The following ZNF610 variants were observed in gnomAD, a reference collection of about 807,000 sequenced individuals.
ZNF610 encodes zinc finger protein 610.
A neutral mutation model predicts 14.1 loss-of-function variants in ZNF610; 14 were observed. That is an observed-to-expected ratio of 0.99 (90% confidence interval 0.65 to 1.55). The LOEUF (loss-of-function observed/expected upper bound fraction) is 1.55. Among genes scored for constraint, ZNF610 ranks in the 40% most tolerant of loss-of-function variants. The pLI is 0.00. For missense variants in ZNF610, 530 were observed against 558.0 expected (o/e 0.95, Z 0.51); for synonymous variants, 185 against 187.6 (o/e 0.99, Z 0.11).
intron 1 of ZNF610, among the ~76,000 whole-genome samples, chr19:52,347,406 T>C (rs190492491): frequency 1.1e-3 from 174 of 152,314 alleles, no homozygotes; most frequent in African/African-American, 4.1e-3. Flanking sequence ...ATTGTAGAAG[T>C]CAAAAAGTTT....
At position 52,366,177 on chromosome 19, in the gene ZNF610, A is replaced by G. The variant is rs1455083275; in HGVS notation, c.799A>G (p.Lys267Glu). The change falls in exon 6 of 6, where the codon AAG (lysine) becomes GAG (glutamate). Residue 267 changes from lysine (K) to glutamate (E), a missense_variant. Transcript: ENST00000403906. ...GCCTTACAAATGTAGTGAATGTGAC[A>G]AGGTGTTTAATCGCAATTCAAACCT... The part of the protein sequence containing the change: ...QKPYKCSECD[K>E]VFNRNSNLAR... 6.2e-7 allele frequency: 1 copy of G among 1,613,790 alleles called. No homozygotes were observed. The highest frequency in any genetic ancestry group is 8.5e-7 in the Non-Finnish European group (1 of 1,179,746).
intron 1 of ZNF610, among the ~76,000 whole-genome samples, chr19:52,340,745 A>G (rs1234904010): frequency 6.6e-6 from 1 of 151,886 alleles, no homozygotes; most frequent in African/African-American, 2.4e-5. Flanking sequence ...TAATGGCGCA[A>G]TCTCCACTCA....
At chr19:52,347,404 A>C (rs754700071) in intron 1 of ZNF610, 5 of 152,226 alleles carry the variant, frequency 3.3e-5, no homozygotes, top group Non-Finnish European at 5.9e-5. Flanking sequence ...TTATTGTAGA[A>C]GTCAAAAAGT....
At position 52,355,502 on chromosome 19, in the gene ZNF610, C is replaced by T. The variant is rs768061648; in HGVS notation, c.319+1123C>T. 4.6e-5 allele frequency among the ~76,000 whole-genome samples: 7 copies of T among 152,320 alleles called. No individual in the cohort carries two copies. The East Asian group carries it at 7.7e-4, about 17-fold the overall frequency. On this transcript the variant is annotated intron_variant, in intron 5 of 5. Coordinates refer to ENST00000403906, the MANE Select transcript of ZNF610 (RefSeq NM_001161425.2). ...AAAATGTGTGGGGATTTCTCCCCATCGGCAATTTTTCACTGGATCTTTACT... is the reference window on the plus strand; with the variant it reads ...AAAATGTGTGGGGATTTCTCCCCATTGGCAATTTTTCACTGGATCTTTACT...
intron 1 of ZNF610, among the ~76,000 whole-genome samples, chr19:52,342,576 G>A (rs1465497338): frequency 6.7e-6 from 1 of 149,270 alleles, no homozygotes; most frequent in African/African-American, 2.5e-5. Context: ...CTGGAGTGTA[G>A]TGGCGCAATC....
intron 4 of ZNF610, 60 bp from the exon 5 acceptor site, chr19:52,354,188 AAAC>A (rs1331287047): frequency 1.3e-5 from 21 of 1,597,422 alleles, no homozygotes; most frequent in Admixed American, 1.8e-5. Context: ...TCTCTTACCT[AAAC>A]ACAGGGTTTG....
At chr19:52,353,834 C>T (rs199534487) in intron 4 of ZNF610, 26 bp downstream of exon 4, 111 of 1,601,914 alleles carry the variant, frequency 6.9e-5, no homozygotes, top group Admixed American at 1.4e-4. Context: ...CTCCAGAAGC[C>T]GGGATCTGCT....
chr19:52,362,348 T>C (rs991852727), intron 5 of ZNF610, among the ~76,000 whole-genome samples: 4 of 152,088 alleles, frequency 2.6e-5, no homozygotes, highest in African/African-American at 9.7e-5. Flanking sequence ...GAGGCGGAGG[T>C]TGCAGTGAGC....
At chr19:52,358,624 G>GT (rs1363513540) in intron 5 of ZNF610, among the ~76,000 whole-genome samples, 1 of 152,134 alleles carries the variant, frequency 6.6e-6, no homozygotes, top group African/African-American at 2.4e-5. Flanking sequence ...TCTGGTAATT[G>GT]TTTTCTTCCA....
At chr19:52,362,498 C>G (rs1018296686) in intron 5 of ZNF610, among the ~76,000 whole-genome samples, 2 of 152,250 alleles carry the variant, frequency 1.3e-5, no homozygotes, top group African/African-American at 2.4e-5. Flanking sequence ...AAGTACTCCT[C>G]ATGCCTCAAA....
At chr19:52,345,049 T>C (rs985745593) in intron 1 of ZNF610, 1 of 152,326 alleles carries the variant, frequency 6.6e-6, no homozygotes, top group Non-Finnish European at 1.5e-5. Flanking sequence ...CCCAAAGTGC[T>C]AGGATTACAG....
At chr19:52,343,779 G>T (rs1984801455) in intron 1 of ZNF610, among the ~76,000 whole-genome samples, 1 of 152,104 alleles carries the variant, frequency 6.6e-6, no homozygotes, top group Non-Finnish European at 1.5e-5. Context: ...AAGGCTAACG[G>T]TGTGATCATT....
chr19:52,349,856 A>G (rs1985165119), intron 3 of ZNF610, among the ~76,000 whole-genome samples: 1 of 152,182 alleles, frequency 6.6e-6, no homozygotes, highest in Admixed American at 6.5e-5. Flanking sequence ...GGCGTGAGCC[A>G]CCGCGCCTGG....
chr19:52,362,244 C>T (rs192653585), intron 5 of ZNF610, among the ~76,000 whole-genome samples: 86 of 152,336 alleles, frequency 5.6e-4, no homozygotes, highest in African/African-American at 1.9e-3. Context: ...AACCCCGTCT[C>T]TACTAAAAAT....
At chr19:52,352,672 G>GT (rs1014876136) in intron 3 of ZNF610, among the ~76,000 whole-genome samples, 4 of 151,178 alleles carry the variant, frequency 2.6e-5, no homozygotes, top group African/African-American at 4.9e-5. Context: ...TTTTTTTCCT[G>GT]TTTTTTTTCC....
upstream of ZNF610, among the ~76,000 whole-genome samples, chr19:52,334,960 A>ACACACACACACACACACAGAG (rs59969071): frequency 3.7e-5 from 5 of 136,454 alleles, no homozygotes; most frequent in African/African-American, 1.4e-4. Flanking sequence ...CACACACACA[A>ACACACACACACACACACAGAG]TGTAATTTAC....
chr19:52,364,090 A>G (rs1985912771), intron 5 of ZNF610, among the ~76,000 whole-genome samples: 1 of 152,216 alleles, frequency 6.6e-6, no homozygotes, highest in African/African-American at 2.4e-5. Context: ...TAAAATGTCA[A>G]CAGCTTAACC....
chr19:52,357,821 AATAG>A (rs908502107), intron 5 of ZNF610, among the ~76,000 whole-genome samples: 2 of 151,932 alleles, frequency 1.3e-5, no homozygotes, highest in Non-Finnish European at 2.9e-5. Flanking sequence ...CCTTATTCCA[AATAG>A]ATAGAGAAGG....
chr19:52,340,611 C>T (rs758005937), intron 1 of ZNF610, among the ~76,000 whole-genome samples: 1 of 152,016 alleles, frequency 6.6e-6, no homozygotes, highest in African/African-American at 2.4e-5. Context: ...GCCCCACTTA[C>T]AGTCTCAGAG....
Sources: allele counts gnomAD v4.1 joint callset (sites outside exome capture counted in the v4.1 genomes callset), GRCh38; gene constraint gnomAD v4.1.1; transcripts MANE v1.5; gene names NCBI Gene and HGNC (gene_info 2026-07-23, HGNC 2026-07-21).